Variants in FAM240B observed in about 807,000 individuals in gnomAD.
FAM240B encodes protein FAM240B.
At chr9:38,705,373 A>C (rs1222872071) in intron 1 of FAM240B, 2 of 152,412 alleles carry the variant, frequency 1.3e-5, no homozygotes, top group African/African-American at 4.8e-5. Flanking sequence ...GCGGATCACG[A>C]GGTCAGGAGA....
chr9:38,696,572 G>A (rs1489443233), intron 2 of FAM240B, among the ~76,000 whole-genome samples: 1 of 152,174 alleles, frequency 6.6e-6, no homozygotes, highest in African/African-American at 2.4e-5. Context: ...CATTCTGGGA[G>A]GCCAAGGCGG....
At chr9:38,709,538 C>A (rs1315788126) in intron 1 of FAM240B, among the ~76,000 whole-genome samples, 3 of 152,200 alleles carry the variant, frequency 2.0e-5, no homozygotes, top group Non-Finnish European at 4.4e-5. Flanking sequence ...AGCTCTATGC[C>A]ATATGCATAT....
intron 1 of FAM240B, among the ~76,000 whole-genome samples, chr9:38,717,794 G>A (rs1385471948): frequency 6.6e-6 from 1 of 152,092 alleles, no homozygotes; most frequent in Non-Finnish European, 1.5e-5. Flanking sequence ...GAGTTACAAA[G>A]TTTTACACTG....
chr9:38,717,733 C>T (rs111306086), intron 1 of FAM240B, among the ~76,000 whole-genome samples: 2,004 of 152,126 alleles, frequency 0.013, 41 homozygotes, highest in African/African-American at 0.046. Context: ...CCGCCCGCCT[C>T]GGCCTCCCAA....
chr9:38,705,929 T>G (rs930625442), intron 1 of FAM240B, among the ~76,000 whole-genome samples: 6 of 151,968 alleles, frequency 3.9e-5, no homozygotes, highest in Non-Finnish European at 8.8e-5. Flanking sequence ...AGCATGTGGG[T>G]GGGTGGTGGC....
chr9:38,704,980 A>G (rs2119004845), intron 1 of FAM240B, among the ~76,000 whole-genome samples: 1 of 152,348 alleles, frequency 6.6e-6, no homozygotes, highest in Admixed American at 6.5e-5. Flanking sequence ...TGTCCGGGGC[A>G]AGCTCGTTCA....
At chr9:38,710,901 A>G (rs1354213751) in intron 1 of FAM240B, among the ~76,000 whole-genome samples, 1 of 152,186 alleles carries the variant, frequency 6.6e-6, no homozygotes, top group Non-Finnish European at 1.5e-5. Flanking sequence ...CACTGCCCGA[A>G]GTCACCTTGT....
intron 1 of FAM240B, among the ~76,000 whole-genome samples, chr9:38,719,241 T>C (rs996026592): frequency 4.0e-5 from 6 of 150,928 alleles, no homozygotes; most frequent in Non-Finnish European, 8.9e-5. Flanking sequence ...TTTCTCTGCA[T>C]CCCCCCCCAC....
chr9:38,718,394 C>T (rs140727196), intron 1 of FAM240B, among the ~76,000 whole-genome samples: 1 of 152,212 alleles, frequency 6.6e-6, no homozygotes, highest in Non-Finnish European at 1.5e-5. Context: ...CTTAGCAGAA[C>T]TTCTTCTGTA....
chr9:38,713,114 C>T (rs1374764393), intron 1 of FAM240B, among the ~76,000 whole-genome samples: 1 of 152,096 alleles, frequency 6.6e-6, no homozygotes, highest in Non-Finnish European at 1.5e-5. Flanking sequence ...GGAACCTCAC[C>T]CAGTAGAGGA....
intron 1 of FAM240B, among the ~76,000 whole-genome samples, chr9:38,705,085 G>A (rs1821173424): frequency 1.3e-5 from 2 of 152,142 alleles, no homozygotes; most frequent in African/African-American, 2.4e-5. Context: ...TCTTAGGAGC[G>A]CCATCAGGCA....
rs187094940 is a variant in FAM240B at position 38,705,446 on chromosome 9, G to A, written c.-3-1444C>T. The A allele has an allele frequency of 3.7e-3, 562 of 152,264 alleles. 1 individual carries two copies. The highest frequency in any genetic ancestry group is 6.2e-3 in the Admixed American group (95 of 15,288). 9.4% of individuals were successfully genotyped at this position (152,264 alleles called of 1,614,324 possible). A position where few individuals can be genotyped will look rare whatever the true frequency, so the allele number is the denominator to read the frequency against. On this transcript the variant is annotated intron_variant, in intron 1 of 2. Coordinates refer to ENST00000637493, the MANE Select transcript of FAM240B (RefSeq NM_001394922.1). ...CTACAAAAATACAAAAAAATTAGCCGGGTGTGGTGGCGGGCCCCTGTTGTC... is the reference window on the plus strand; with the variant it reads ...CTACAAAAATACAAAAAAATTAGCCAGGTGTGGTGGCGGGCCCCTGTTGTC...
intron 2 of FAM240B, among the ~76,000 whole-genome samples, chr9:38,702,178 C>T (rs144841550): frequency 6.6e-6 from 1 of 152,264 alleles, no homozygotes; most frequent in African/African-American, 2.4e-5. Context: ...CTCTTCACTT[C>T]CCTGAGAATC....
At chr9:38,702,535 G>A (rs1022590057) in intron 2 of FAM240B, among the ~76,000 whole-genome samples, 5 of 152,132 alleles carry the variant, frequency 3.3e-5, no homozygotes, top group East Asian at 1.9e-4. Flanking sequence ...CAGAGAACCC[G>A]GACAGGCCCA....
At chr9:38,704,652 A>T (rs1013718306) in intron 1 of FAM240B, among the ~76,000 whole-genome samples, 3 of 152,342 alleles carry the variant, frequency 2.0e-5, no homozygotes, top group African/African-American at 7.2e-5. Context: ...AGCCTCATGC[A>T]TGACAAATGG....
chr9:38,719,249 C>A (rs569497574), intron 1 of FAM240B, among the ~76,000 whole-genome samples: 7 of 151,830 alleles, frequency 4.6e-5, no homozygotes, highest in Admixed American at 6.6e-5. Flanking sequence ...CATCCCCCCC[C>A]ACCCCCAGCA....
intron 1 of FAM240B, among the ~76,000 whole-genome samples, chr9:38,719,481 G>A (rs924791252): frequency 1.3e-5 from 2 of 152,148 alleles, no homozygotes; most frequent in African/African-American, 4.8e-5. Context: ...TGAGGCTCAT[G>A]CACTTGAGTC....
At position 38,694,709 on chromosome 9, in the gene FAM240B, G is replaced by A. The variant is rs1231261571; in HGVS notation, c.*67C>T. On this transcript the variant is annotated 3_prime_UTR_variant, in exon 3 of 3. Coordinates refer to ENST00000637493, the MANE Select transcript of FAM240B (RefSeq NM_001394922.1). ...TGTTTAGTAAATCAGCACAACTTGA[G>A]TGTTAGTTTTTTTCCCCTAGAAAAG... 5 of 394,322 alleles carry A rather than the reference G, an allele frequency of 1.3e-5. No individual in the cohort carries two copies. In the East Asian group the frequency reaches 1.8e-4, roughly 14 times the overall value. 24.4% of individuals were successfully genotyped at this position (394,322 alleles called of 1,614,324 possible).
chr9:38,707,817 G>C (rs1346001881), intron 1 of FAM240B, among the ~76,000 whole-genome samples: 2 of 149,512 alleles, frequency 1.3e-5, no homozygotes, highest in East Asian at 3.9e-4. Context: ...AAAAAATTAG[G>C]GTGAACCCAA....
Sources: gnomAD v4.1 joint callset for allele counts (sites outside exome capture counted in the v4.1 genomes callset) on GRCh38, gnomAD v4.1.1 for gene constraint, MANE v1.5 for transcripts, NCBI Gene and HGNC (gene_info 2026-07-23, HGNC 2026-07-21) for gene names.